Variants in ZC3H12C observed in about 807,000 individuals in gnomAD.
ZC3H12C encodes the protein probable ribonuclease ZC3H12C.
ZC3H12C carries 20 observed loss-of-function variants against 76.3 expected under a neutral mutation model. That is an observed-to-expected ratio of 0.26 (90% CI 0.18 to 0.38). The LOEUF (loss-of-function observed/expected upper bound fraction) is 0.38. Ranked by LOEUF, ZC3H12C falls within the 10% of genes least tolerant of loss-of-function variation. The pLI, the probability that ZC3H12C is intolerant of heterozygous loss-of-function variation, is 1.00. For missense variants in ZC3H12C, 874 were observed against 1,086.5 expected (o/e 0.80, Z 2.75); for synonymous variants, 352 against 399.6 (o/e 0.88, Z 1.42).
intron 4 of ZC3H12C, among the ~76,000 whole-genome samples, chr11:110,162,877 CCTT>C (rs1182462548): frequency 6.6e-6 from 1 of 152,154 alleles, no homozygotes; most frequent in East Asian, 1.9e-4. Flanking sequence ...CAGCCCCCTC[CCTT>C]CTTCTCAGCT....
At chr11:110,146,048 G>T (rs981478253) in intron 2 of ZC3H12C, among the ~76,000 whole-genome samples, 1 of 152,272 alleles carries the variant, frequency 6.6e-6, no homozygotes, top group Non-Finnish European at 1.5e-5. Flanking sequence ...GTGCTGTGGC[G>T]CGATCTCGGC....
rs1861974561 is a variant in ZC3H12C at position 110,136,961 on chromosome 11, C to T, written c.320C>T (p.Ser107Leu). ...GAGTCAGAACAATTGGGTAGCATTT[C>T]AGTAGAGCCAGGCTTGATAACTAAG... ...DHESEQLGSI[S>L]VEPGLITKTH... is the part of the protein sequence containing the mutation. Residue 107 changes from serine (S) to leucine (L), a missense_variant, in exon 2 of 6, where the codon TCA becomes TTA. Transcript: ENST00000278590. 6.2e-7 allele frequency: 1 copy of T among 1,613,674 alleles called. No homozygotes were observed. Among genetic ancestry groups the T allele is most frequent in the Non-Finnish European group, 8.5e-7 (1 of 1,179,806 alleles).
intron 1 of ZC3H12C, among the ~76,000 whole-genome samples, chr11:110,125,297 G>A (rs1017573314): frequency 1.7e-4 from 25 of 147,316 alleles, no homozygotes; most frequent in African/African-American, 6.2e-4. Context: ...GTGTGTGTGT[G>A]TGTGTGTGTG....
At chr11:110,160,698 TTCC>T (rs1223935713) in intron 4 of ZC3H12C, among the ~76,000 whole-genome samples, 2 of 152,324 alleles carry the variant, frequency 1.3e-5, no homozygotes, top group African/African-American at 4.8e-5. Flanking sequence ...TTTGAAATAC[TTCC>T]TGAATGAACT....
intron 1 of ZC3H12C, among the ~76,000 whole-genome samples, chr11:110,116,719 A>G (rs554501658): frequency 2.0e-5 from 3 of 152,198 alleles, no homozygotes; most frequent in Non-Finnish European, 1.5e-5. Flanking sequence ...AATCACTGTT[A>G]TAAGTTATTA....
Position 110,159,400 on chromosome 11 carries a change from A to C in ZC3H12C, c.1058A>C (p.Asn353Thr). The change falls in exon 4 of 6, where the codon AAT (asparagine) becomes ACT (threonine). Residue 353 changes from asparagine (N) to threonine (T), a missense_variant. Transcript: ENST00000278590. ...GAGTCGGACGGTATCATTGTGTCCAATGATAACTACAGGGACTTGGCTAAT... is the reference window on the plus strand; with the variant it reads ...GAGTCGGACGGTATCATTGTGTCCACTGATAACTACAGGGACTTGGCTAAT... ...AFESDGIIVS[N>T]DNYRDLANEK... 6.2e-7 allele frequency: 1 copy of C among 1,614,022 alleles called. No individual in the cohort carries two copies. The highest frequency in any genetic ancestry group is 8.5e-7 in the Non-Finnish European group (1 of 1,179,934).
intron 1 of ZC3H12C, chr11:110,131,003 C>A: frequency 1.3e-6 from 2 of 1,533,656 alleles, no homozygotes; most frequent in South Asian, 2.4e-5. Flanking sequence ...TTCAACCATT[C>A]ATTGTTCTTC....
chr11:110,113,300 A>C (rs926150280), intron 1 of ZC3H12C, among the ~76,000 whole-genome samples: 1 of 152,284 alleles, frequency 6.6e-6, no homozygotes. Flanking sequence ...GAATGTAAGC[A>C]ACAAACCCAA....
At position 110,163,292 on chromosome 11, in the gene ZC3H12C, C is replaced by T. The variant is rs762784730; in HGVS notation, c.1168C>T (p.Pro390Ser). 6.2e-7 allele frequency: 1 copy of T among 1,612,776 alleles called. No individual in the cohort carries two copies. ...TGACAGGTTCATGCCCCCTGATGAC[C>T]CTCTTGGCAGACATGGCCCCAGTCT... ...VNDKFMPPDDPLGRHGPSLDN... is the reference protein window; with the variant it reads ...VNDKFMPPDDSLGRHGPSLDN... The change falls in exon 5 of 6, where the codon CCT becomes TCT. Residue 390 changes from proline to serine, a missense_variant. This residue lies in a region of ZC3H12C where 269 missense variants were observed against 424.9 expected (regional missense o/e 0.63). Transcript: ENST00000278590.
rs921716289 is a variant in ZC3H12C at position 110,168,799 on chromosome 11, G to T, written c.*3062G>T. 6.6e-6 allele frequency: 1 copy of T among 151,928 alleles called. No homozygotes were observed. The highest frequency in any genetic ancestry group is 1.5e-5 in the Non-Finnish European group (1 of 67,952). 9.4% of individuals were successfully genotyped at this position (151,928 alleles called of 1,614,324 possible). On this transcript the variant is annotated 3_prime_UTR_variant, in exon 6 of 6. Transcript: ENST00000278590. The stretch of plus-strand genomic sequence containing the variant: ...TCTCTCTATATCCTGATAAGAGTTT[G>T]TCATTGACTTACACATTTGGAAGAA...
intron 1 of ZC3H12C, among the ~76,000 whole-genome samples, chr11:110,099,578 C>T (rs979677812): frequency 2.0e-5 from 3 of 151,582 alleles, no homozygotes; most frequent in Non-Finnish European, 4.4e-5. Flanking sequence ...ATATATTTAC[C>T]CAATTATTTT....
rs1862589040 is a variant in ZC3H12C at position 110,166,547 on chromosome 11, C to T, written c.*810C>T. Reference sequence around the variant, plus strand: ...TGTTACAGGTTAGAGCTTTGTTATCCAGCTATGATGTGCTTCTTGACAGTA... The same window carrying T: ...TGTTACAGGTTAGAGCTTTGTTATCTAGCTATGATGTGCTTCTTGACAGTA... On this transcript the variant is annotated 3_prime_UTR_variant, in exon 6 of 6. Transcript: ENST00000278590. 6.6e-6 allele frequency: 1 copy of T among 152,032 alleles called. No homozygotes were observed. Among genetic ancestry groups the T allele is most frequent in the Non-Finnish European group, 1.5e-5 (1 of 67,992 alleles). 9.4% of individuals were successfully genotyped at this position (152,032 alleles called of 1,614,324 possible).
chr11:110,163,392 G>T lies in ZC3H12C; in HGVS notation c.1255+13G>T, dbSNP rs908077348. 1.1e-5 allele frequency: 17 copies of T among 1,597,590 alleles called. No homozygotes were observed. The highest frequency in any genetic ancestry group is 1.4e-5 in the Non-Finnish European group (16 of 1,168,904). ...CCTTGTCCATATGGTAACTTGCTTT[G>T]TGAATATTGGGTATATGCCTTTAGA... On this transcript the variant is annotated intron_variant, in intron 5 of 5. Transcript: ENST00000278590.
intron 1 of ZC3H12C, 99 bp downstream of exon 1, chr11:110,093,531 A>G (rs7116683): frequency 0.69 from 644,370 of 933,018 alleles, 223,312 homozygotes; most frequent in East Asian, 0.9. Context: ...CCCGGGCGCC[A>G]GGCGGAGGGC....
At chr11:110,129,260 G>A (rs901402413) in intron 1 of ZC3H12C, among the ~76,000 whole-genome samples, 1 of 152,124 alleles carries the variant, frequency 6.6e-6, no homozygotes, top group Non-Finnish European at 1.5e-5. Context: ...GGAAATATCT[G>A]TAAACAAATG....
rs377391499 is a variant in ZC3H12C at position 110,137,039 on chromosome 11, G to A, written c.398G>A (p.Arg133His). ...TGTTTAGAGCCTCACATACTCAAGC[G>A]CAATGAAATTTTGCAAGACTTTAAA... is the stretch of plus-strand genomic sequence containing the variant. ...SPCLEPHILK[R>H]NEILQDFKPE... Residue 133 changes from arginine to histidine, a missense_variant, in exon 2 of 6, where the codon CGC becomes CAC. Arg to His is a conservative substitution (Grantham distance 29). This residue lies in a region of ZC3H12C where 210 missense variants were observed against 227.1 expected (regional missense o/e 0.92). Coordinates refer to ENST00000278590, the MANE Select transcript of ZC3H12C (RefSeq NM_033390.2). The A allele has an allele frequency of 4.6e-5, 74 of 1,613,716 alleles. No homozygotes were observed. The highest frequency in any genetic ancestry group is 9.9e-5 in the South Asian group (9 of 91,040).
intron 1 of ZC3H12C, among the ~76,000 whole-genome samples, chr11:110,119,320 G>A (rs765895695): frequency 3.3e-5 from 5 of 152,082 alleles, no homozygotes; most frequent in Non-Finnish European, 5.9e-5. Flanking sequence ...AAAGTAGTGG[G>A]GTCCAGGGAC....
intron 1 of ZC3H12C, among the ~76,000 whole-genome samples, chr11:110,126,862 TTAA>T (rs1317474328): frequency 6.6e-6 from 1 of 152,232 alleles, no homozygotes; most frequent in African/African-American, 2.4e-5. Flanking sequence ...CTACCCCATA[TTAA>T]TACTTCTCTA....
intron 1 of ZC3H12C, among the ~76,000 whole-genome samples, chr11:110,117,293 C>T (rs1289783738): frequency 6.6e-6 from 1 of 152,136 alleles, no homozygotes; most frequent in Non-Finnish European, 1.5e-5. Context: ...ATTGGCTAAT[C>T]TATTAGTATA....
Sources: allele counts gnomAD v4.1 joint callset (sites outside exome capture counted in the v4.1 genomes callset), GRCh38; gene constraint gnomAD v4.1.1; regional missense constraint gnomAD v4.1.1; transcripts MANE v1.5; gene names NCBI Gene and HGNC (gene_info 2026-07-23, HGNC 2026-07-21).